CPA6: variants seen among roughly 807,000 people sequenced by gnomAD.
CPA6 encodes carboxypeptidase B.
In CPA6, 58 loss-of-function variants were observed where a neutral mutation model predicts 63.3. The observed-to-expected ratio is 0.92, with a 90% CI of 0.74 to 1.14. CPA6 has a LOEUF of 1.14. Among genes scored for constraint, CPA6 ranks in the 50% most tolerant of loss-of-function variants. The pLI, the probability that CPA6 is intolerant of heterozygous loss-of-function variation, is 0.00. For missense variants in CPA6, 565 were observed against 526.6 expected, an observed-to-expected ratio of 1.07 and a Z score of -0.71; for synonymous variants, 185 against 179.0, an observed-to-expected ratio of 1.03 and a Z score of -0.27.
At chr8:67,740,701 C>G (rs914428523) in intron 1 of CPA6, among the ~76,000 whole-genome samples, 1 of 152,084 alleles carries the variant, frequency 6.6e-6, no homozygotes, top group African/African-American at 2.4e-5. Flanking sequence ...TCCTGAGTAG[C>G]GGGGACTACA....
At chr8:67,587,212 A>G (rs1813964545) in intron 2 of CPA6, among the ~76,000 whole-genome samples, 1 of 152,156 alleles carries the variant, frequency 6.6e-6, no homozygotes, top group Non-Finnish European at 1.5e-5. Flanking sequence ...ACCTAAGGTA[A>G]TTGTGATGGA....
chr8:67,479,391 C>T (rs752223596), intron 8 of CPA6, among the ~76,000 whole-genome samples: 3 of 152,194 alleles, frequency 2.0e-5, no homozygotes, highest in African/African-American at 4.8e-5. Context: ...GGTTTATAAA[C>T]CTCTGTACCC....
At chr8:67,727,325 C>G (rs1817615432) in intron 1 of CPA6, among the ~76,000 whole-genome samples, 1 of 152,054 alleles carries the variant, frequency 6.6e-6, no homozygotes, top group East Asian at 1.9e-4. Flanking sequence ...CAGAATACCC[C>G]AAAGTATGGT....
At chr8:67,568,071 T>C (rs1813386059) in intron 2 of CPA6, among the ~76,000 whole-genome samples, 1 of 152,106 alleles carries the variant, frequency 6.6e-6, no homozygotes, top group Admixed American at 6.5e-5. Context: ...GGCTTCTAGA[T>C]AACCTGAAAG....
At chr8:67,568,900 A>T (rs1180333194) in intron 2 of CPA6, among the ~76,000 whole-genome samples, 2 of 152,060 alleles carry the variant, frequency 1.3e-5, no homozygotes, top group African/African-American at 4.8e-5. Flanking sequence ...ACAGGCACCC[A>T]CCACCATGCC....
chr8:67,472,396 T>TTTTA (rs1811082514), intron 8 of CPA6, among the ~76,000 whole-genome samples: 1 of 115,258 alleles, frequency 8.7e-6, no homozygotes, highest in African/African-American at 4.8e-5. Context: ...TTTTATTTTA[T>TTTTA]TTTATTTTAT....
intron 1 of CPA6, among the ~76,000 whole-genome samples, chr8:67,719,455 A>G (rs1467469630): frequency 6.6e-6 from 1 of 152,118 alleles, no homozygotes; most frequent in Non-Finnish European, 1.5e-5. Context: ...TAAAGGGGAA[A>G]GGCAAGGGCT....
At position 67,507,683 on chromosome 8, in the gene CPA6, T is replaced by C. The variant is rs376545164; in HGVS notation, c.535-795A>G. ...TACACTAGTGGAGAGGGCAAACATG[T>C]AAGCAATCAATCAACCATTATGATG... On this transcript the variant is annotated intron_variant, in intron 5 of 10. Transcript: ENST00000297770. Among the ~76,000 whole-genome samples the C allele has an allele frequency of 4.6e-5, 7 of 152,176 alleles. No individual in the cohort carries two copies. In the East Asian group the frequency reaches 7.7e-4, roughly 17 times the overall value.
chr8:67,670,066 G>A (rs965169528), intron 1 of CPA6, among the ~76,000 whole-genome samples: 1 of 152,186 alleles, frequency 6.6e-6, no homozygotes, highest in African/African-American at 2.4e-5. Context: ...CCTTTGAGAG[G>A]TGTAAAGAAT....
chr8:67,680,522 C>T (rs1816569956), intron 1 of CPA6, among the ~76,000 whole-genome samples: 2 of 150,854 alleles, frequency 1.3e-5, no homozygotes, highest in South Asian at 4.2e-4. Context: ...CTCATGATTA[C>T]ACATGTGAAC....
At chr8:67,728,175 G>A (rs531375138) in intron 1 of CPA6, among the ~76,000 whole-genome samples, 1 of 149,646 alleles carries the variant, frequency 6.7e-6, no homozygotes, top group South Asian at 2.1e-4. Context: ...ACTATTATCT[G>A]TCCTTTGGGC....
chr8:67,533,512 T>C (rs1230799875), intron 2 of CPA6, among the ~76,000 whole-genome samples: 1 of 152,222 alleles, frequency 6.6e-6, no homozygotes, highest in Admixed American at 6.5e-5. Flanking sequence ...TCGGGCACTA[T>C]AGTTCGGATA....
intron 8 of CPA6, among the ~76,000 whole-genome samples, chr8:67,461,838 C>T (rs1192178888): frequency 6.6e-6 from 1 of 152,208 alleles, no homozygotes. Flanking sequence ...CACCTCCCTC[C>T]CGGATGGGGC....
At chr8:67,477,474 A>G (rs1022989482) in intron 8 of CPA6, among the ~76,000 whole-genome samples, 1 of 152,126 alleles carries the variant, frequency 6.6e-6, no homozygotes, top group Admixed American at 6.5e-5. Flanking sequence ...TTCACTTTGT[A>G]TTTCTCCAGG....
chr8:67,475,663 A>C (rs1165109049), intron 8 of CPA6, among the ~76,000 whole-genome samples: 1 of 152,026 alleles, frequency 6.6e-6, no homozygotes, highest in Admixed American at 6.6e-5. Context: ...ACCCAGACAC[A>C]CACCTGGCAG....
intron 1 of CPA6, among the ~76,000 whole-genome samples, chr8:67,668,025 C>A (rs1287171171): frequency 6.6e-6 from 1 of 152,206 alleles, no homozygotes; most frequent in Non-Finnish European, 1.5e-5. Flanking sequence ...GTGCTGGTCA[C>A]ACACATGGGT....
intron 2 of CPA6, among the ~76,000 whole-genome samples, chr8:67,544,396 T>C (rs888161078): frequency 2.6e-5 from 4 of 152,276 alleles, no homozygotes; most frequent in Non-Finnish European, 5.9e-5. Context: ...CCCATTGCTT[T>C]TTTCTGTTGT....
intron 1 of CPA6, among the ~76,000 whole-genome samples, chr8:67,635,983 A>G (rs1815459740): frequency 6.6e-6 from 1 of 151,390 alleles, no homozygotes; most frequent in African/African-American, 2.5e-5. Context: ...TGAAACCCTA[A>G]AAGGACTTTG....
At chr8:67,461,721 C>A (rs1277262587) in intron 8 of CPA6, among the ~76,000 whole-genome samples, 1 of 150,222 alleles carries the variant, frequency 6.7e-6, no homozygotes, top group Admixed American at 6.6e-5. Flanking sequence ...CCGGATGGAG[C>A]GGCTGGCCGG....
Sources: gnomAD v4.1 joint callset for allele counts (sites outside exome capture counted in the v4.1 genomes callset) on GRCh38, gnomAD v4.1.1 for gene constraint, MANE v1.5 for transcripts, NCBI Gene and HGNC (gene_info 2026-07-23, HGNC 2026-07-21) for gene names.